The following CWF19L2 variants were observed in gnomAD, a reference collection of about 807,000 sequenced individuals.
CWF19L2 encodes CWF19-like protein 2.
CWF19L2 carries 98 observed loss-of-function variants against 111.7 expected under a neutral mutation model. The ratio of observed to expected loss-of-function variants is 0.88; its 90% CI spans 0.75 to 1.04. The LOEUF is 1.04. Ranked by LOEUF, CWF19L2 falls within the 50% of genes least tolerant of loss-of-function variation. The pLI, the probability that CWF19L2 is intolerant of heterozygous loss-of-function variation, is 0.00. For synonymous variants in CWF19L2, 351 were observed against 342.9 expected, an observed-to-expected ratio of 1.02 and a Z score of -0.26; for missense variants, 1,101 against 1,051.4, an observed-to-expected ratio of 1.05 and a Z score of -0.65.
At chr11:107,414,473 T>C (rs1861198850) in intron 10 of CWF19L2, among the ~76,000 whole-genome samples, 1 of 152,194 alleles carries the variant, frequency 6.6e-6, no homozygotes, top group Non-Finnish European at 1.5e-5. Context: ...TAAATATCAC[T>C]TACATGTTAA....
In CWF19L2 at chr11:107,403,505, A is replaced by G. The variant is rs148819495; in HGVS notation, c.1618-10610T>C. 539 of 845,990 alleles carry G rather than the reference A, an allele frequency of 6.4e-4. 1 individual carries two copies. The African/African-American group carries it at 8.1e-3, about 13-fold the overall frequency. 52.4% of individuals were successfully genotyped at this position (845,990 alleles called of 1,614,324 possible). A position where few individuals can be genotyped will look rare whatever the true frequency, so the allele number is the denominator to read the frequency against. On this transcript the variant is annotated intron_variant, in intron 10 of 17. Transcript: ENST00000282251. Reference sequence around the variant, plus strand: ...ACTATCACTGGTTCCTTCCTCTGCCATACTGTCAACCCCCTCCTGCCCATT... The same window carrying G: ...ACTATCACTGGTTCCTTCCTCTGCCGTACTGTCAACCCCCTCCTGCCCATT...
At chr11:107,399,139 T>C (rs1860965335) in intron 10 of CWF19L2, among the ~76,000 whole-genome samples, 1 of 151,934 alleles carries the variant, frequency 6.6e-6, no homozygotes, top group African/African-American at 2.4e-5. Context: ...AAACAAAAAA[T>C]ACAAGTTAAA....
intron 13 of CWF19L2, among the ~76,000 whole-genome samples, chr11:107,351,032 A>G (rs953283646): frequency 1.3e-5 from 2 of 152,224 alleles, no homozygotes; most frequent in African/African-American, 4.8e-5. Flanking sequence ...GGCGACAATA[A>G]GGATTCCAGC....
At chr11:107,360,270 G>A (rs1402283329) in intron 12 of CWF19L2, among the ~76,000 whole-genome samples, 2 of 152,034 alleles carry the variant, frequency 1.3e-5, no homozygotes, top group Non-Finnish European at 2.9e-5. Flanking sequence ...ATTCATTTAT[G>A]TTGCAGCAAA....
At chr11:107,411,111 ACACACACT>A (rs1272984253) in intron 10 of CWF19L2, among the ~76,000 whole-genome samples, 2 of 139,974 alleles carry the variant, frequency 1.4e-5, no homozygotes, top group Non-Finnish European at 3.3e-5. Flanking sequence ...ACACACACAC[ACACACACT>A]ATCATAAAAC....
intron 12 of CWF19L2, among the ~76,000 whole-genome samples, chr11:107,379,120 G>T (rs1860643073): frequency 6.6e-6 from 1 of 152,202 alleles, no homozygotes; most frequent in African/African-American, 2.4e-5. Flanking sequence ...TTTATTAAAT[G>T]GGGTTAATTA....
chr11:107,439,402 T>C (rs368490267), intron 5 of CWF19L2, among the ~76,000 whole-genome samples: 6 of 152,228 alleles, frequency 3.9e-5, no homozygotes, highest in Non-Finnish European at 7.3e-5. Flanking sequence ...ACTGTGCTAG[T>C]TGCAGAAGAT....
rs563095773 is a variant in CWF19L2 at position 107,378,290 on chromosome 11, T to A, written c.1872+11784A>T. 2.0e-5 allele frequency among the ~76,000 whole-genome samples: 3 copies of A among 150,192 alleles called. No homozygotes were observed. In the South Asian group the frequency reaches 6.4e-4, roughly 32 times the overall value. ...GGGTATATACCCAAAGGACTATAAA[T>A]CATGCTGCTATAAAGACACATGCAC... is the stretch of plus-strand genomic sequence containing the variant. On this transcript the variant is annotated intron_variant, in intron 12 of 17. Transcript: ENST00000282251.
chr11:107,350,726 A>G lies in CWF19L2; in HGVS notation c.2086-1673T>C, dbSNP rs183604987. ...AAAATGCACAATATGTCAGATGGTG[A>G]TAAGGGGTACTAAAAAAAATAAAGC... On this transcript the variant is annotated intron_variant, in intron 13 of 17. Transcript: ENST00000282251. Among the ~76,000 whole-genome samples the G allele has an allele frequency of 2.0e-5, 3 of 152,334 alleles. No individual in the cohort carries two copies. In the East Asian group the frequency reaches 5.8e-4, roughly 29 times the overall value.
rs926503606 is a variant in CWF19L2 at position 107,439,131 on chromosome 11, C to T, written c.623G>A (p.Gly208Asp). The T allele has an allele frequency of 1.9e-6, 3 of 1,605,840 alleles. No homozygotes were observed. The highest frequency in any genetic ancestry group is 2.6e-6 in the Non-Finnish European group (3 of 1,174,944). Residue 208 changes from glycine to aspartate, a missense_variant, in exon 6 of 18, where the codon GGT becomes GAT. Transcript: ENST00000282251. ...LNPYWKDGGT[G>D]LPPEDCSVSS... is the part of the protein sequence containing the mutation. ...CACACTACAGTCTTCAGGTGGAAGA[C>T]CTGTCCCACCATCCTTCCAGTACGG...
At chr11:107,404,737 C>A in intron 10 of CWF19L2, 1 of 277,064 alleles carries the variant, frequency 3.6e-6, no homozygotes, top group Non-Finnish European at 7.0e-6. Context: ...AGCACAGTGT[C>A]AAATAGTGGG....
intron 10 of CWF19L2, chr11:107,404,236 T>G: frequency 1.3e-6 from 1 of 778,098 alleles, no homozygotes; most frequent in Non-Finnish European, 2.4e-6. Context: ...CTGCTTCGTA[T>G]CCATTTAAAT....
chr11:107,396,549 A>G (rs1860924709), intron 10 of CWF19L2, among the ~76,000 whole-genome samples: 1 of 152,208 alleles, frequency 6.6e-6, no homozygotes, highest in East Asian at 1.9e-4. Flanking sequence ...TTGCTAACAT[A>G]ACCAGAATAA....
At chr11:107,431,740 T>A (rs572385976) in intron 7 of CWF19L2, among the ~76,000 whole-genome samples, 6 of 152,116 alleles carry the variant, frequency 3.9e-5, no homozygotes, top group Admixed American at 6.5e-5. Flanking sequence ...AAAAGTATGA[T>A]ACAAATTCCA....
In CWF19L2 at chr11:107,326,770, T is replaced by C. The variant is rs1331331526; in HGVS notation, c.*140A>G. The stretch of plus-strand genomic sequence containing the variant: ...AGAAGAAAACAACACAATCTCCTGA[T>C]GTACAGTTGTCACTGACCCAGAGCA... On this transcript the variant is annotated 3_prime_UTR_variant, in exon 18 of 18. Transcript: ENST00000282251. 8.6e-6 allele frequency: 5 copies of C among 583,900 alleles called. No homozygotes were observed. The highest frequency in any genetic ancestry group is 1.4e-5 in the Non-Finnish European group (5 of 345,078). 36.2% of individuals were successfully genotyped at this position (583,900 alleles called of 1,614,324 possible).
At chr11:107,371,101 C>T (rs1371101369) in intron 12 of CWF19L2, among the ~76,000 whole-genome samples, 1 of 127,272 alleles carries the variant, frequency 7.9e-6, no homozygotes, top group African/African-American at 3.3e-5. Flanking sequence ...GCAAGCTCTG[C>T]CTCCCGGGTT....
intron 16 of CWF19L2, among the ~76,000 whole-genome samples, chr11:107,331,917 T>C (rs1859855016): frequency 6.6e-6 from 1 of 152,218 alleles, no homozygotes; most frequent in African/African-American, 2.4e-5. Context: ...AGTATCAAAG[T>C]GTATGTACAT....
chr11:107,345,237 TA>T (rs1860062034), intron 14 of CWF19L2, among the ~76,000 whole-genome samples: 1 of 81,524 alleles, frequency 1.2e-5, no homozygotes, highest in African/African-American at 5.6e-5. Flanking sequence ...ACTTTATTGT[TA>T]CTTACTTCAA....
intron 10 of CWF19L2, among the ~76,000 whole-genome samples, chr11:107,405,982 A>C (rs543646226): frequency 1.3e-5 from 2 of 152,324 alleles, no homozygotes; most frequent in Non-Finnish European, 2.9e-5. Flanking sequence ...AAAATATAGA[A>C]GTAAAGCAAA....
Sources: allele counts gnomAD v4.1 joint callset (sites outside exome capture counted in the v4.1 genomes callset), GRCh38; gene constraint gnomAD v4.1.1; transcripts MANE v1.5; gene names NCBI Gene and HGNC (gene_info 2026-07-23, HGNC 2026-07-21).